Variants in CNTNAP3 observed in about 807,000 individuals in gnomAD.
CNTNAP3 encodes contactin-associated protein-like 3.
CNTNAP3 carries 36 observed loss-of-function variants against 92.1 expected under a neutral mutation model. The ratio of observed to expected loss-of-function variants is 0.39; its 90% CI spans 0.30 to 0.52. The LOEUF is 0.52. Among genes scored for constraint, CNTNAP3 ranks in the 20% least tolerant of loss-of-function variants. The pLI, the probability that CNTNAP3 is intolerant of heterozygous loss-of-function variation, is 0.76. For synonymous variants in CNTNAP3, 232 were observed against 422.3 expected (o/e 0.55, Z 5.53); for missense variants, 534 against 1,069.6 (o/e 0.50, Z 6.98).
rs536562849 is a variant in CNTNAP3, at chr9:39,260,559, CA to C, written c.196+6336del. On this transcript the variant is annotated intron_variant, in intron 2 of 23. Coordinates refer to ENST00000297668, the MANE Select transcript of CNTNAP3 (RefSeq NM_033655.5). ...TGAAACCCCGTCTCTACTAAAAATA[CA>C]AAAAAAAAAAAAGTTAGCCAGGCGT... 3.0e-3 allele frequency among the ~76,000 whole-genome samples: 48 copies of C among 15,888 alleles called. 12 individuals are homozygous for C. The highest frequency in any genetic ancestry group is 0.014 in the Admixed American group (11 of 778). 10.4% of individuals were successfully genotyped at this position (15,888 alleles called of 152,430 possible).
intron 2 of CNTNAP3, among the ~76,000 whole-genome samples, chr9:39,254,791 T>A (rs1227045327): frequency 3.9e-5 from 1 of 25,412 alleles, no homozygotes; most frequent in African/African-American, 8.6e-5. Context: ...CCTGTTTTTT[T>A]AAATTGAATA....
intron 11 of CNTNAP3, among the ~76,000 whole-genome samples, chr9:39,142,976 A>G (rs1010091998): frequency 6.6e-6 from 1 of 152,032 alleles, no homozygotes; most frequent in Non-Finnish European, 1.5e-5. Flanking sequence ...AGGACTTTGC[A>G]TCTCTGTTTC....
At chr9:39,120,295 A>G (rs1820982701) in intron 13 of CNTNAP3, among the ~76,000 whole-genome samples, 1 of 152,208 alleles carries the variant, frequency 6.6e-6, no homozygotes, top group Non-Finnish European at 1.5e-5. Context: ...AAGGAATGGC[A>G]TATTTTTTTC....
intron 18 of CNTNAP3, among the ~76,000 whole-genome samples, chr9:39,097,666 G>C (rs1855007): frequency 2.0e-5 from 3 of 150,116 alleles, no homozygotes; most frequent in Admixed American, 2.0e-4. Flanking sequence ...AGTATCTCTG[G>C]AGTAGGACCT....
intron 12 of CNTNAP3, among the ~76,000 whole-genome samples, chr9:39,134,447 A>G (rs1355841661): frequency 6.6e-6 from 1 of 151,094 alleles, no homozygotes; most frequent in African/African-American, 2.5e-5. Flanking sequence ...TTTTTGAGAT[A>G]AGAGTCTCGC....
Position 39,132,913 on chromosome 9 carries a change from C to T in CNTNAP3, c.2080+19G>A. The T allele has an allele frequency of 2.0e-6, 3 of 1,538,104 alleles. No individual in the cohort carries two copies. Among genetic ancestry groups the T allele is most frequent in the Non-Finnish European group, 2.6e-6 (3 of 1,151,296 alleles). ...CCCCGGCCCCGTGAACCCCTGTAGCCTCCAGGAGTGGCGCTTACCTCGTGA... is the reference window on the plus strand; with the variant it reads ...CCCCGGCCCCGTGAACCCCTGTAGCTTCCAGGAGTGGCGCTTACCTCGTGA... On this transcript the variant is annotated intron_variant, in intron 13 of 23. Coordinates refer to ENST00000297668, the MANE Select transcript of CNTNAP3 (RefSeq NM_033655.5).
chr9:39,146,983 G>T (rs1172708868), intron 10 of CNTNAP3, among the ~76,000 whole-genome samples: 1 of 152,154 alleles, frequency 6.6e-6, no homozygotes, highest in African/African-American at 2.4e-5. Flanking sequence ...GAACCTGTGG[G>T]AGGTAACTGA....
In CNTNAP3 at chr9:39,071,305, G is replaced by A. The variant is rs989675866; in HGVS notation, c.*2585C>T. On this transcript the variant is annotated 3_prime_UTR_variant, in exon 24 of 24. Transcript: ENST00000297668. ...TATCAAAGTATGTTAAGTTTATGCCGTAATAATGACTTTTAGTAAACAATG... is the reference window on the plus strand; with the variant it reads ...TATCAAAGTATGTTAAGTTTATGCCATAATAATGACTTTTAGTAAACAATG... Among the ~76,000 whole-genome samples the A allele has an allele frequency of 4.5e-4, 67 of 149,828 alleles. No homozygotes were observed. Among genetic ancestry groups the A allele is most frequent in the Non-Finnish European group, 8.0e-4 (54 of 67,700 alleles).
chr9:39,117,051 G>T (rs1192321643), intron 14 of CNTNAP3, among the ~76,000 whole-genome samples: 1 of 152,008 alleles, frequency 6.6e-6, no homozygotes, highest in Non-Finnish European at 1.5e-5. Context: ...GGAGTGCAGT[G>T]GCGCGATCTC....
chr9:39,111,278 T>G (rs541999306), intron 14 of CNTNAP3, among the ~76,000 whole-genome samples: 76 of 152,288 alleles, frequency 5.0e-4, no homozygotes, highest in Non-Finnish European at 1.8e-4. Context: ...TTCTTTTACT[T>G]AACTCGACTT....
intron 14 of CNTNAP3, among the ~76,000 whole-genome samples, chr9:39,112,303 G>A (rs1826766399): frequency 6.6e-6 from 1 of 151,972 alleles, no homozygotes; most frequent in African/African-American, 2.4e-5. Context: ...AGGCAAAGTA[G>A]GGCCATAAGT....
chr9:39,077,874 A>G (rs1825820110), intron 23 of CNTNAP3, among the ~76,000 whole-genome samples: 1 of 152,042 alleles, frequency 6.6e-6, no homozygotes, highest in South Asian at 2.1e-4. Flanking sequence ...CATGCTGAGA[A>G]CCCCCAGGGA....
intron 21 of CNTNAP3, chr9:39,085,517 G>C: frequency 1.8e-6 from 1 of 544,394 alleles, no homozygotes; most frequent in Admixed American, 3.2e-5. Context: ...GAGAGGTTAA[G>C]TGTGGAGGTA....
intron 23 of CNTNAP3, among the ~76,000 whole-genome samples, chr9:39,077,054 A>G (rs1825795831): frequency 6.6e-6 from 1 of 152,296 alleles, no homozygotes; most frequent in Non-Finnish European, 1.5e-5. Flanking sequence ...TTTAGAAAAA[A>G]AGTTTTCATT....
chr9:39,135,231 G>A (rs530249162), intron 12 of CNTNAP3, among the ~76,000 whole-genome samples: 1 of 152,170 alleles, frequency 6.6e-6, no homozygotes, highest in African/African-American at 2.4e-5. Context: ...TATTGGAACT[G>A]GAAAGGATCT....
intron 13 of CNTNAP3, among the ~76,000 whole-genome samples, chr9:39,123,300 T>TAGCC (rs1353792308): frequency 1.3e-5 from 2 of 151,948 alleles, no homozygotes; most frequent in Non-Finnish European, 2.9e-5. Flanking sequence ...TTCCCCGTGG[T>TAGCC]AGCCAGGATG....
intron 23 of CNTNAP3, among the ~76,000 whole-genome samples, chr9:39,076,517 A>G (rs1469001528): frequency 6.6e-6 from 1 of 152,308 alleles, no homozygotes; most frequent in African/African-American, 2.4e-5. Context: ...AGAGAAAAAG[A>G]ATTGAGATAG....
At chr9:39,119,149 T>C (rs998082154) in intron 13 of CNTNAP3, among the ~76,000 whole-genome samples, 10 of 152,082 alleles carry the variant, frequency 6.6e-5, no homozygotes, top group Non-Finnish European at 1.2e-4. Flanking sequence ...GAAAATGAAA[T>C]TGGATTAACT....
intron 15 of CNTNAP3, among the ~76,000 whole-genome samples, chr9:39,108,856 A>C (rs2778211): frequency 9.2e-5 from 14 of 152,246 alleles, no homozygotes; most frequent in Non-Finnish European, 1.9e-4. Context: ...TATCCCTTAG[A>C]ATTCAGAAAA....
Sources: allele counts gnomAD v4.1 joint callset (sites outside exome capture counted in the v4.1 genomes callset), GRCh38; gene constraint gnomAD v4.1.1; transcripts MANE v1.5; gene names NCBI Gene and HGNC (gene_info 2026-07-23, HGNC 2026-07-21).